Variants in SGCD observed in about 807,000 individuals in gnomAD.
The protein encoded by SGCD is sarcoglycan delta.
SGCD carries 18 observed loss-of-function variants against 36.6 expected under a neutral mutation model. The ratio of observed to expected loss-of-function variants is 0.49; its 90% CI spans 0.34 to 0.73. The LOEUF is 0.73. SGCD is among the 30% of genes least tolerant of loss of function. SGCD has a pLI of 0.01. For synonymous variants in SGCD, 133 were observed against 130.6 expected (o/e 1.02, Z -0.12); for missense variants, 387 against 346.7 (o/e 1.12, Z -0.92).
chr5:156,472,018 A>G (rs892673349), intron 3 of SGCD, among the ~76,000 whole-genome samples: 1 of 152,202 alleles, frequency 6.6e-6, no homozygotes, highest in Admixed American at 6.5e-5. Flanking sequence ...TGTCCTCAAC[A>G]TCATTACTCA....
Position 156,595,276 on chromosome 5 carries a change from A to G in SGCD, c.502+225A>G, listed in dbSNP as rs559994260. Reference sequence around the variant, plus strand: ...GTCCTTCCAAGGGGATGAGAAGACCAGAGATCCCTCTCTGACATGAGAGGG... The same window carrying G: ...GTCCTTCCAAGGGGATGAGAAGACCGGAGATCCCTCTCTGACATGAGAGGG... On this transcript the variant is annotated intron_variant, in intron 6 of 8. Transcript: ENST00000337851. Among the ~76,000 whole-genome samples the G allele has an allele frequency of 7.2e-5, 11 of 152,284 alleles. No individual in the cohort carries two copies. The East Asian group carries it at 1.7e-3, about 24-fold the overall frequency.
At chr5:156,187,869 G>A (rs116034472) in intron 3 of SGCD, among the ~76,000 whole-genome samples, 1,613 of 152,250 alleles carry the variant, frequency 0.011, 35 homozygotes, top group African/African-American at 0.036. Context: ...TGACAAAGAA[G>A]CTCATTAGAA....
intron 3 of SGCD, among the ~76,000 whole-genome samples, chr5:156,504,392 G>GTGTGTATATATATATATA (rs1413599402): frequency 1.3e-5 from 1 of 75,070 alleles, no homozygotes; most frequent in African/African-American, 3.9e-5. Flanking sequence ...GTGTGTGTGT[G>GTGTGTATATATATATATA]TATATATATA....
Position 155,936,916 on chromosome 5 carries a change from C to T in SGCD, c.-282+66492C>T, listed in dbSNP as rs944554773. The stretch of plus-strand genomic sequence containing the variant: ...CTGAGGCGGCAGGAGGCTGCCATGT[C>T]AGCACGGCCCCGGGTGTGCGCACAC... On this transcript the variant is annotated intron_variant, in intron 1 of 9. Transcript: ENST00000517913. Among the ~76,000 whole-genome samples the T allele has an allele frequency of 3.9e-5, 6 of 152,184 alleles. No homozygotes were observed. In the East Asian group the frequency reaches 9.7e-4, roughly 25 times the overall value.
the SGCD span, among the ~76,000 whole-genome samples, chr5:155,822,473 ATGATT>A: frequency 2.6e-5 from 4 of 152,186 alleles, no homozygotes; most frequent in African/African-American, 9.7e-5. Flanking sequence ...CACAGTAAAT[ATGATT>A]TGGTGTCTAT....
chr5:155,751,511 C>A, the SGCD span, among the ~76,000 whole-genome samples: 2 of 152,066 alleles, frequency 1.3e-5, no homozygotes, highest in South Asian at 2.1e-4. Flanking sequence ...CTGAGCCTCC[C>A]CAGTGGCTGG....
At chr5:156,426,080 G>A (rs1403908335) in intron 3 of SGCD, among the ~76,000 whole-genome samples, 4 of 152,106 alleles carry the variant, frequency 2.6e-5, no homozygotes, top group African/African-American at 9.7e-5. Context: ...ATACCGAGTA[G>A]TAGGATTGCT....
intron 1 of SGCD, among the ~76,000 whole-genome samples, chr5:155,920,756 GA>G (rs1756859557): frequency 6.6e-6 from 1 of 152,120 alleles, no homozygotes; most frequent in Non-Finnish European, 1.5e-5. Flanking sequence ...GCAGTCATCA[GA>G]GGACAAAAGC....
In SGCD at chr5:156,014,484, AT is replaced by A. The variant is rs1245876408; in HGVS notation, c.-281-103388del. 3.3e-5 allele frequency among the ~76,000 whole-genome samples: 5 copies of A among 152,134 alleles called. No homozygotes were observed. The South Asian group carries it at 6.2e-4, about 19-fold the overall frequency. On this transcript the variant is annotated intron_variant, in intron 1 of 9. Transcript: ENST00000517913. ...GAAAATTACCAGATTAATTTTTAAT[AT>A]TTTTTCATTTGTAAGTAGTTTGTAT...
chr5:156,144,875 C>T (rs1336112466), intron 3 of SGCD, among the ~76,000 whole-genome samples: 3 of 152,160 alleles, frequency 2.0e-5, no homozygotes, highest in African/African-American at 7.2e-5. Context: ...TTTACAGTCT[C>T]ATAGGCAGAA....
At chr5:155,823,728 G>T in the SGCD span, among the ~76,000 whole-genome samples, 1 of 152,188 alleles carries the variant, frequency 6.6e-6, no homozygotes, top group Admixed American at 6.5e-5. Flanking sequence ...CTTGCTACAA[G>T]TTTAAATAGT....
At chr5:156,140,781 G>T (rs1258421489) in intron 3 of SGCD, among the ~76,000 whole-genome samples, 1 of 152,114 alleles carries the variant, frequency 6.6e-6, no homozygotes, top group Non-Finnish European at 1.5e-5. Flanking sequence ...GAAAACCAAG[G>T]GTGTGCCTGG....
intron 3 of SGCD, among the ~76,000 whole-genome samples, chr5:156,311,454 A>T (rs1422462857): frequency 6.6e-6 from 1 of 152,180 alleles, no homozygotes; most frequent in Non-Finnish European, 1.5e-5. Flanking sequence ...TACTAAAATG[A>T]TATGCATATA....
the SGCD span, among the ~76,000 whole-genome samples, chr5:155,751,503 G>C: frequency 2.4e-3 from 368 of 152,136 alleles, 3 homozygotes; most frequent in African/African-American, 7.4e-3. Flanking sequence ...CCTCTCAGCT[G>C]AGCCTCCCCA....
At chr5:156,473,765 C>T (rs1038452781) in intron 3 of SGCD, among the ~76,000 whole-genome samples, 3 of 152,138 alleles carry the variant, frequency 2.0e-5, no homozygotes, top group Admixed American at 2.0e-4. Flanking sequence ...TGGCATTGAT[C>T]CACGGAATCT....
chr5:156,267,696 A>G (rs1766037927), intron 3 of SGCD, among the ~76,000 whole-genome samples: 1 of 150,226 alleles, frequency 6.7e-6, no homozygotes. Context: ...GGTTTTTTTG[A>G]TAAAAGTTTA....
intron 3 of SGCD, among the ~76,000 whole-genome samples, chr5:156,246,684 A>G (rs981436877): frequency 3.3e-5 from 5 of 152,210 alleles, no homozygotes; most frequent in African/African-American, 7.2e-5. Flanking sequence ...AATATGCTTT[A>G]AAGTAATTTT....
intron 3 of SGCD, among the ~76,000 whole-genome samples, chr5:156,286,652 C>T (rs1352636061): frequency 1.3e-5 from 2 of 152,058 alleles, no homozygotes; most frequent in Non-Finnish European, 2.9e-5. Flanking sequence ...GGAAGGGGAA[C>T]ATCACACACT....
At chr5:156,175,899 G>A (rs1763455087) in intron 3 of SGCD, among the ~76,000 whole-genome samples, 1 of 151,682 alleles carries the variant, frequency 6.6e-6, no homozygotes, top group African/African-American at 2.4e-5. Flanking sequence ...ACCTCAGGTG[G>A]ACACATTCTT....
Sources: allele counts gnomAD v4.1 joint callset (sites outside exome capture counted in the v4.1 genomes callset), GRCh38; gene constraint gnomAD v4.1.1; transcripts MANE v1.5; gene names NCBI Gene and HGNC (gene_info 2026-07-23, HGNC 2026-07-21).